Variants in MCC observed in about 807,000 individuals in gnomAD.
The protein encoded by MCC is MCC regulator of Wnt signaling pathway.
A neutral mutation model predicts 116.2 loss-of-function variants in MCC; 90 were observed. The observed-to-expected ratio is 0.77, with a 90% confidence interval of 0.65 to 0.92. The LOEUF is 0.92. Ranked by LOEUF, MCC falls within the 40% of genes least tolerant of loss-of-function variation. MCC has a pLI of 0.00. For synonymous variants in MCC, 578 were observed against 510.5 expected (o/e 1.13, Z -1.78); for missense variants, 1,516 against 1,312.2 (o/e 1.16, Z -2.40).
intron 1 of MCC, among the ~76,000 whole-genome samples, chr5:113,401,953 G>A (rs967374255): frequency 5.9e-5 from 9 of 151,930 alleles, no homozygotes; most frequent in African/African-American, 2.2e-4. Context: ...GGGCTCAAGC[G>A]ATCCTCCTGC....
intron 3 of MCC, among the ~76,000 whole-genome samples, chr5:113,320,798 G>A (rs534267108): frequency 1.8e-4 from 28 of 152,300 alleles, no homozygotes; most frequent in Admixed American, 1.8e-3. Flanking sequence ...TTAGTATATA[G>A]GTGAGATCTT....
chr5:113,188,628 G>C (rs1762013530), intron 3 of MCC, among the ~76,000 whole-genome samples: 1 of 152,216 alleles, frequency 6.6e-6, no homozygotes, highest in Admixed American at 6.5e-5. Context: ...GGTATAAAGA[G>C]ACCAGCCCAC....
intron 5 of MCC, among the ~76,000 whole-genome samples, chr5:113,130,334 C>T (rs1278369404): frequency 2.6e-5 from 4 of 151,904 alleles, no homozygotes; most frequent in Admixed American, 6.6e-5. Context: ...TGGGGCCTGT[C>T]TGGGGATGGG....
At chr5:113,301,220 C>G (rs1766853731) in intron 3 of MCC, among the ~76,000 whole-genome samples, 1 of 152,176 alleles carries the variant, frequency 6.6e-6, no homozygotes, top group Admixed American at 6.5e-5. Flanking sequence ...AATCCCAGCA[C>G]TTTGGGAGGC....
intron 3 of MCC, among the ~76,000 whole-genome samples, chr5:113,302,171 A>G (rs543660763): frequency 1.3e-5 from 2 of 152,354 alleles, no homozygotes; most frequent in Non-Finnish European, 2.9e-5. Flanking sequence ...ATAGAGCCAG[A>G]CACATGATTT....
intron 14 of MCC, among the ~76,000 whole-genome samples, chr5:113,058,514 T>TCC (rs957145867): frequency 6.6e-6 from 1 of 152,108 alleles, no homozygotes; most frequent in Non-Finnish European, 1.5e-5. Flanking sequence ...AGCACTGGTC[T>TCC]CCCCCTCAGG....
intron 1 of MCC, among the ~76,000 whole-genome samples, chr5:113,401,196 A>G (rs1302087130): frequency 6.6e-6 from 1 of 152,294 alleles, no homozygotes; most frequent in East Asian, 1.9e-4. Flanking sequence ...CACACTTAAC[A>G]CCATTATTAT....
intron 3 of MCC, among the ~76,000 whole-genome samples, chr5:113,177,973 AG>A: frequency 6.6e-6 from 1 of 152,230 alleles, no homozygotes; most frequent in African/African-American, 2.4e-5. Flanking sequence ...TTATCTTAGA[AG>A]ACTATTTCAC....
intron 3 of MCC, among the ~76,000 whole-genome samples, chr5:113,280,617 T>C (rs1561503489): frequency 6.6e-6 from 1 of 151,916 alleles, no homozygotes; most frequent in Non-Finnish European, 1.5e-5. Context: ...ACATGTTGAG[T>C]CTAGAAGATG....
At chr5:113,148,130 A>G (rs1280258187) in intron 4 of MCC, among the ~76,000 whole-genome samples, 1 of 152,268 alleles carries the variant, frequency 6.6e-6, no homozygotes, top group African/African-American at 2.4e-5. Flanking sequence ...AAAGCATCAA[A>G]TCAGGACTAT....
chr5:113,297,286 G>A (rs1766737391), intron 3 of MCC, among the ~76,000 whole-genome samples: 1 of 152,106 alleles, frequency 6.6e-6, no homozygotes, highest in Non-Finnish European at 1.5e-5. Flanking sequence ...CAGATCACTT[G>A]AGGTCAGGAA....
At chr5:113,079,239 A>G (rs906880038) in intron 11 of MCC, among the ~76,000 whole-genome samples, 4 of 152,240 alleles carry the variant, frequency 2.6e-5, no homozygotes, top group Non-Finnish European at 1.5e-5. Flanking sequence ...GCCCAAGGCA[A>G]TTTATAGATT....
chr5:113,140,390 C>G (rs1759107766), intron 5 of MCC, among the ~76,000 whole-genome samples: 3 of 152,148 alleles, frequency 2.0e-5, no homozygotes, highest in Non-Finnish European at 2.9e-5. Flanking sequence ...TGAATCTACC[C>G]AAATGTCCCT....
intron 16 of MCC, among the ~76,000 whole-genome samples, chr5:113,047,501 T>C (rs1266619269): frequency 6.6e-6 from 1 of 152,232 alleles, no homozygotes; most frequent in Non-Finnish European, 1.5e-5. Flanking sequence ...TCAGAGTTCT[T>C]AACTATGTAG....
chr5:113,375,313 T>C (rs10044201), intron 2 of MCC, among the ~76,000 whole-genome samples: 9,921 of 152,198 alleles, frequency 0.065, 685 homozygotes, highest in African/African-American at 0.17. Flanking sequence ...CACAACTTGT[T>C]TGCTTCACAC....
chr5:113,168,563 A>G (rs1429438660), intron 3 of MCC, among the ~76,000 whole-genome samples: 2 of 152,232 alleles, frequency 1.3e-5, no homozygotes, highest in Non-Finnish European at 2.9e-5. Context: ...CTATGCCATG[A>G]AAGAATAATA....
chr5:113,395,438 G>C (rs1241994422), intron 1 of MCC, among the ~76,000 whole-genome samples: 1 of 152,156 alleles, frequency 6.6e-6, no homozygotes, highest in East Asian at 1.9e-4. Context: ...TTCCAAAGAA[G>C]ATAGCTACAG....
intron 7 of MCC, among the ~76,000 whole-genome samples, chr5:113,103,821 C>T (rs1248739681): frequency 1.3e-5 from 2 of 152,190 alleles, no homozygotes; most frequent in South Asian, 4.1e-4. Context: ...CTCCTGAAAT[C>T]GTATTCTAGA....
chr5:113,199,064 A>C (rs1762562404), intron 3 of MCC, among the ~76,000 whole-genome samples: 1 of 152,142 alleles, frequency 6.6e-6, no homozygotes, highest in African/African-American at 2.4e-5. Flanking sequence ...GCTACTCTGG[A>C]GGCTGAGGCA....
Sources: gnomAD v4.1 joint callset for allele counts (sites outside exome capture counted in the v4.1 genomes callset) on GRCh38, gnomAD v4.1.1 for gene constraint, MANE v1.5 for transcripts, NCBI Gene and HGNC (gene_info 2026-07-23, HGNC 2026-07-21) for gene names.